The following FOXN2 variants were observed in gnomAD, a reference collection of about 807,000 sequenced individuals.
FOXN2 encodes forkhead box protein N2.
A neutral mutation model predicts 41.2 loss-of-function variants in FOXN2; 19 were observed. That is an observed-to-expected ratio of 0.46 (90% CI 0.32 to 0.68). FOXN2 has a LOEUF of 0.68. FOXN2 is among the 30% of genes least tolerant of loss of function. The pLI, the probability that FOXN2 is intolerant of heterozygous loss-of-function variation, is 0.03. For missense variants in FOXN2, 587 were observed against 509.4 expected (o/e 1.15, Z -1.47); for synonymous variants, 195 against 176.8 (o/e 1.10, Z -0.82).
At position 48,351,486 on chromosome 2, in the gene FOXN2, C is replaced by T. The variant is rs914917434; in HGVS notation, c.537+4735C>T. Among the ~76,000 whole-genome samples, 5 of 152,082 alleles carry T rather than the reference C, an allele frequency of 3.3e-5. 1 individual carries two copies. The highest frequency in any genetic ancestry group is 3.3e-4 in the Admixed American group (5 of 15,266). ...TTAATTATTACCTAGCACAGTGGTCCCCAAACTTTTGACGCTAGGGACTGG... is the reference window on the plus strand; with the variant it reads ...TTAATTATTACCTAGCACAGTGGTCTCCAAACTTTTGACGCTAGGGACTGG... On this transcript the variant is annotated intron_variant, in intron 3 of 6. Coordinates refer to ENST00000340553, the MANE Select transcript of FOXN2 (RefSeq NM_002158.4).
At chr2:48,319,785 ATT>A (rs545797179) in intron 1 of FOXN2, among the ~76,000 whole-genome samples, 7,669 of 98,464 alleles carry the variant, frequency 0.078, 261 homozygotes, top group Non-Finnish European at 0.11. Context: ...TAATTTTTTA[ATT>A]TTTTTTTTTT....
chr2:48,316,958 A>T (rs1190630562), intron 1 of FOXN2, among the ~76,000 whole-genome samples: 1 of 152,228 alleles, frequency 6.6e-6, no homozygotes, highest in East Asian at 1.9e-4. Flanking sequence ...TTAAATAAAG[A>T]TATTGAAGTG....
chr2:48,346,207 A>C lies in FOXN2; in HGVS notation c.-8A>C, dbSNP rs768912858. 5.2e-5 allele frequency: 82 copies of C among 1,584,456 alleles called. No individual in the cohort carries two copies. The highest frequency in any genetic ancestry group is 8.6e-7 in the Non-Finnish European group (1 of 1,167,850). ...ATTGTTTCCTTTGTTGCAGAACTGT[A>C]AGAGTAAATGGGTCCAGTAATTGGA... On this transcript the variant is annotated 5_prime_UTR_variant, in exon 3 of 7. Coordinates refer to ENST00000340553, the MANE Select transcript of FOXN2 (RefSeq NM_002158.4).
intron 5 of FOXN2, among the ~76,000 whole-genome samples, chr2:48,372,853 G>A (rs1257986843): frequency 6.6e-6 from 1 of 151,016 alleles, no homozygotes; most frequent in African/African-American, 2.4e-5. Context: ...CCTGTAACTG[G>A]CATGTAATTA....
chr2:48,320,184 C>G (rs1049355171), intron 1 of FOXN2, among the ~76,000 whole-genome samples: 4 of 152,094 alleles, frequency 2.6e-5, no homozygotes, highest in African/African-American at 9.7e-5. Context: ...TATACTACCT[C>G]TTTCTATGCT....
At chr2:48,341,633 T>C (rs1397508865) in intron 2 of FOXN2, among the ~76,000 whole-genome samples, 1 of 152,162 alleles carries the variant, frequency 6.6e-6, no homozygotes, top group Non-Finnish European at 1.5e-5. Flanking sequence ...CATAAAGATT[T>C]GGAAAGAAGA....
chr2:48,324,771 G>A (rs919440857), intron 1 of FOXN2, among the ~76,000 whole-genome samples: 2 of 152,128 alleles, frequency 1.3e-5, no homozygotes, highest in African/African-American at 4.8e-5. Context: ...TTTATGAAGT[G>A]ATCTCATGTC....
intron 1 of FOXN2, among the ~76,000 whole-genome samples, chr2:48,322,953 G>C (rs1052821414): frequency 2.0e-5 from 3 of 150,228 alleles, no homozygotes; most frequent in African/African-American, 4.9e-5. Flanking sequence ...TCTCTTAAAA[G>C]TATGAATGCT....
chr2:48,320,279 G>A (rs1421018397), intron 1 of FOXN2, among the ~76,000 whole-genome samples: 5 of 151,832 alleles, frequency 3.3e-5, no homozygotes, highest in Admixed American at 3.3e-4. Flanking sequence ...CTAGACATAT[G>A]AGTGTATAAT....
intron 5 of FOXN2, among the ~76,000 whole-genome samples, 197 bp from the exon 6 acceptor site, chr2:48,373,095 A>G (rs1313227903): frequency 6.6e-6 from 1 of 152,150 alleles, no homozygotes; most frequent in Non-Finnish European, 1.5e-5. Flanking sequence ...TGTTCACAAA[A>G]CTGTTTCGTG....
intron 1 of FOXN2, among the ~76,000 whole-genome samples, chr2:48,326,798 G>C (rs147465551): frequency 6.6e-6 from 1 of 152,098 alleles, no homozygotes; most frequent in African/African-American, 2.4e-5. Flanking sequence ...ATTTGTATAA[G>C]ATATATATGA....
At chr2:48,347,220 C>CTTTTTTTTTT (rs751958598) in intron 3 of FOXN2, among the ~76,000 whole-genome samples, 11 of 75,730 alleles carry the variant, frequency 1.5e-4, no homozygotes, top group African/African-American at 3.2e-4. Flanking sequence ...TGTTTTGGTG[C>CTTTTTTTTTT]TTTTTTTTTT....
intron 5 of FOXN2, among the ~76,000 whole-genome samples, chr2:48,367,004 A>C (rs1333981968): frequency 1.3e-5 from 2 of 152,188 alleles, no homozygotes; most frequent in Non-Finnish European, 2.9e-5. Flanking sequence ...TATTAGAGCT[A>C]CCTTTAGACA....
chr2:48,344,380 A>G (rs925384643), intron 2 of FOXN2, among the ~76,000 whole-genome samples: 2 of 152,174 alleles, frequency 1.3e-5, no homozygotes, highest in African/African-American at 4.8e-5. Flanking sequence ...AATGAATAGG[A>G]TTTGAGTCAT....
At chr2:48,315,784 C>T (rs1330743961) in intron 1 of FOXN2, among the ~76,000 whole-genome samples, 2 of 152,220 alleles carry the variant, frequency 1.3e-5, no homozygotes, top group African/African-American at 4.8e-5. Flanking sequence ...GGGGTGTCTG[C>T]TTCGCTGACG....
At chr2:48,321,569 G>C (rs1187333340) in intron 1 of FOXN2, among the ~76,000 whole-genome samples, 1 of 151,832 alleles carries the variant, frequency 6.6e-6, no homozygotes, top group Non-Finnish European at 1.5e-5. Context: ...TATGTGGTAA[G>C]GGTAAAAGTA....
chr2:48,323,144 T>C (rs904866841), intron 1 of FOXN2, among the ~76,000 whole-genome samples: 2 of 152,070 alleles, frequency 1.3e-5, no homozygotes, highest in Admixed American at 6.6e-5. Context: ...TATTGGTGTA[T>C]CAATATTTTT....
At chr2:48,333,359 C>T (rs1005281572) in intron 2 of FOXN2, among the ~76,000 whole-genome samples, 29 of 151,964 alleles carry the variant, frequency 1.9e-4, no homozygotes, top group African/African-American at 6.7e-4. Flanking sequence ...ATTTAAAATT[C>T]CTATATACAT....
chr2:48,355,833 T>G (rs1365947285), intron 3 of FOXN2, among the ~76,000 whole-genome samples: 1 of 152,220 alleles, frequency 6.6e-6, no homozygotes, highest in East Asian at 1.9e-4. Context: ...TCATACCATT[T>G]TTACTACTCT....
Sources: allele counts gnomAD v4.1 joint callset (sites outside exome capture counted in the v4.1 genomes callset), GRCh38; gene constraint gnomAD v4.1.1; transcripts MANE v1.5; gene names NCBI Gene and HGNC (gene_info 2026-07-23, HGNC 2026-07-21).